SLC38A11: variants seen among roughly 807,000 people sequenced by gnomAD.
SLC38A11 encodes the protein putative sodium-coupled neutral amino acid transporter 11.
A neutral mutation model predicts 49.4 loss-of-function variants in SLC38A11; 51 were observed. That is an observed-to-expected ratio of 1.03 (90% CI 0.83 to 1.30). The LOEUF (loss-of-function observed/expected upper bound fraction) is 1.30. SLC38A11 is among the 50% of genes most tolerant of loss of function. The pLI, the probability that SLC38A11 is intolerant of heterozygous loss-of-function variation, is 0.00. For missense variants in SLC38A11, 574 were observed against 556.2 expected (o/e 1.03, Z -0.32); for synonymous variants, 203 against 192.9 (o/e 1.05, Z -0.43).
chr2:164,948,846 A>G (rs1170582438), intron 3 of SLC38A11, among the ~76,000 whole-genome samples: 1 of 150,692 alleles, frequency 6.6e-6, no homozygotes, highest in Non-Finnish European at 1.5e-5. Context: ...TGCATTTTGC[A>G]TTCCCACATT....
chr2:164,947,011 ATC>A (rs1688157175), intron 3 of SLC38A11, among the ~76,000 whole-genome samples: 1 of 149,790 alleles, frequency 6.7e-6, no homozygotes, highest in African/African-American at 2.5e-5. Flanking sequence ...CCTTTGTGAC[ATC>A]TCTTTCTTGT....
At chr2:164,948,561 C>A (rs1688296175) in intron 3 of SLC38A11, among the ~76,000 whole-genome samples, 1 of 152,136 alleles carries the variant, frequency 6.6e-6, no homozygotes, top group Non-Finnish European at 1.5e-5. Context: ...TAATTAAAAT[C>A]CCAACTCTAT....
chr2:164,937,295 A>C (rs925854815), intron 7 of SLC38A11, 55 bp downstream of exon 7: 10 of 1,140,748 alleles, frequency 8.8e-6, no homozygotes, highest in Non-Finnish European at 1.2e-5. Flanking sequence ...TGCCATCTAA[A>C]TATCTATGTG....
At chr2:164,911,615 T>C in intron 10 of SLC38A11, 21 bp downstream of exon 10, 1 of 1,315,762 alleles carries the variant, frequency 7.6e-7, no homozygotes, top group Non-Finnish European at 1.1e-6. Flanking sequence ...GGGTAAAGCG[T>C]TGGGAAGGAA....
chr2:164,923,822 T>A lies in SLC38A11; in HGVS notation c.618-7849A>T, dbSNP rs551053022. Among the ~76,000 whole-genome samples, 6 of 151,300 alleles carry A rather than the reference T, an allele frequency of 4.0e-5. No individual in the cohort carries two copies. The East Asian group carries it at 1.2e-3, about 29-fold the overall frequency. On this transcript the variant is annotated intron_variant, in intron 7 of 11. Transcript: ENST00000685975. The stretch of plus-strand genomic sequence containing the variant: ...GAAAAATAAAAAAAAAAAACAAATG[T>A]TAGTGGGGCTGTGGAGAAAAGGGAA...
In SLC38A11 at chr2:164,908,743, T is replaced by G. The variant is rs749260454; in HGVS notation, c.992A>C (p.Asn331Thr). Residue 331 changes from asparagine (N) to threonine (T), a missense_variant, in exon 11 of 12, where the codon AAT becomes ACT. Physicochemically the swap from Asn to Thr is moderately conservative, Grantham distance 65. Transcript: ENST00000685975. ...AACAATGTGGAAAACCGATGAAAGATTCCCACCAAAAAACACATTGGCAAT... is the reference window on the plus strand; with the variant it reads ...AACAATGTGGAAAACCGATGAAAGAGTCCCACCAAAAAACACATTGGCAAT... ...EVIANVFFGG[N>T]LSSVFHIVVT... 2.5e-6 allele frequency: 4 copies of G among 1,610,354 alleles called. No individual in the cohort carries two copies. In the African/African-American group the frequency reaches 5.4e-5, roughly 22 times the overall value.
intron 3 of SLC38A11, among the ~76,000 whole-genome samples, chr2:164,946,300 G>T (rs1057253461): frequency 6.6e-6 from 1 of 152,038 alleles, no homozygotes; most frequent in Non-Finnish European, 1.5e-5. Flanking sequence ...CGGCGCAGTG[G>T]CTCACGCTTG....
intron 7 of SLC38A11, among the ~76,000 whole-genome samples, chr2:164,926,951 A>G (rs1686646299): frequency 6.6e-6 from 1 of 151,790 alleles, no homozygotes; most frequent in South Asian, 2.1e-4. Context: ...AACATGGCAC[A>G]TGTATACATA....
At chr2:164,905,568 A>T (rs1684944261) in intron 11 of SLC38A11, among the ~76,000 whole-genome samples, 1 of 152,190 alleles carries the variant, frequency 6.6e-6, no homozygotes. Context: ...CCACACAAAA[A>T]GGAGTTGAGT....
chr2:164,934,869 A>G (rs1275027179), intron 7 of SLC38A11, among the ~76,000 whole-genome samples: 2 of 152,178 alleles, frequency 1.3e-5, no homozygotes, highest in East Asian at 3.8e-4. Flanking sequence ...TGAATACAGT[A>G]CCAACATAAC....
chr2:164,911,641 T>G lies in SLC38A11; in HGVS notation c.958A>C (p.Arg320=), dbSNP rs1312363947. Residue 320 remains arginine, a synonymous_variant, in exon 10 of 12, where the codon AGA becomes CGA. Transcript: ENST00000685975. ...LTYPMECFVT[R]EVIANVFFGG... ...TGGGAAGGAACCGCGCTTACCTCTCTTGTCACAAAGCATTCCATAGGGTAT... is the reference window on the plus strand; with the variant it reads ...TGGGAAGGAACCGCGCTTACCTCTCGTGTCACAAAGCATTCCATAGGGTAT... 1 of 1,575,808 alleles carries G rather than the reference T, an allele frequency of 6.3e-7. No individual in the cohort carries two copies. The highest frequency in any genetic ancestry group is 1.2e-5 in the South Asian group (1 of 86,090).
chr2:164,904,738 T>C (rs1559086459), intron 11 of SLC38A11, among the ~76,000 whole-genome samples: 1 of 152,196 alleles, frequency 6.6e-6, no homozygotes, highest in Non-Finnish European at 1.5e-5. Context: ...TGGTATGTTT[T>C]AACCCATTAT....
chr2:164,954,176 A>G (rs1296301906), intron 2 of SLC38A11, among the ~76,000 whole-genome samples: 1 of 152,218 alleles, frequency 6.6e-6, no homozygotes, highest in African/African-American at 2.4e-5. Flanking sequence ...TTAATTTTTC[A>G]TAAGATTGGT....
Position 164,955,239 on chromosome 2 carries a change from G to A in SLC38A11, c.9C>T (p.Tyr3=). The change falls in exon 1 of 12, where the codon TAC becomes TAT. Residue 3 remains tyrosine (Y), a synonymous_variant. Coordinates refer to ENST00000685975, the MANE Select transcript of SLC38A11 (RefSeq NM_001351537.2). MG[Y]QRQEPVIPPQ... ...GCGGGATGACAGGCTCCTGCCTCTG[G>A]TAGCCCATGGCTGAGCGGTGGTCCT... 6.4e-7 allele frequency: 1 copy of A among 1,550,562 alleles called. No individual in the cohort carries two copies. The highest frequency in any genetic ancestry group is 8.7e-7 in the Non-Finnish European group (1 of 1,146,982).
intron 3 of SLC38A11, among the ~76,000 whole-genome samples, chr2:164,948,905 T>TTTTC (rs1553504850): frequency 1.4e-5 from 2 of 147,864 alleles, no homozygotes; most frequent in South Asian, 2.2e-4. Flanking sequence ...TTTTTTTTTT[T>TTTTC]CATAAATACT....
chr2:164,907,270 C>CTTTTTTTTTTTTTT (rs60527900), intron 11 of SLC38A11, among the ~76,000 whole-genome samples: 4 of 97,916 alleles, frequency 4.1e-5, no homozygotes, highest in African/African-American at 7.7e-5. Flanking sequence ...CTTCTTTTCT[C>CTTTTTTTTTTTTTT]TTTTTTTTTT....
chr2:164,898,577 T>G lies in SLC38A11; in HGVS notation c.1249A>C (p.Ile417Leu). 6.2e-7 allele frequency: 1 copy of G among 1,613,616 alleles called. No homozygotes were observed. The highest frequency in any genetic ancestry group is 1.1e-5 in the South Asian group (1 of 91,078). Residue 417 changes from isoleucine to leucine, a missense_variant, in exon 12 of 12, where the codon ATT (isoleucine) becomes CTT (leucine). By Grantham distance (5) the Ile-to-Leu change is conservative. Coordinates refer to ENST00000685975, the MANE Select transcript of SLC38A11 (RefSeq NM_001351537.2). ...TGGGTGCAGTCTTGAGTATTTGTAA[T>G]AGCCATGACGAATCCAAAAACCATC... Reference protein sequence around the residue: ...VVMVFGFVMAITNTQDCTHGQ... With the variant: ...VVMVFGFVMALTNTQDCTHGQ...
chr2:164,926,270 A>T (rs917239379), intron 7 of SLC38A11, among the ~76,000 whole-genome samples: 1 of 152,182 alleles, frequency 6.6e-6, no homozygotes, highest in Non-Finnish European at 1.5e-5. Flanking sequence ...CAAGTTTCTC[A>T]CCACCACATG....
At position 164,898,305 on chromosome 2, in the gene SLC38A11, C is replaced by T. The variant is rs1202479576; in HGVS notation, c.*132G>A. 6.1e-6 allele frequency: 4 copies of T among 656,340 alleles called. No homozygotes were observed. The highest frequency in any genetic ancestry group is 7.7e-6 in the Non-Finnish European group (3 of 388,962). 40.7% of individuals were successfully genotyped at this position (656,340 alleles called of 1,614,324 possible). ...TCTTTTCTTTATCTTTTATATTGCA[C>T]TACTCATAAAAGCCAAGTCTTGATA... On this transcript the variant is annotated 3_prime_UTR_variant, in exon 12 of 12. Transcript: ENST00000685975.
Sources: gnomAD v4.1 joint callset for allele counts (sites outside exome capture counted in the v4.1 genomes callset) on GRCh38, gnomAD v4.1.1 for gene constraint, MANE v1.5 for transcripts, NCBI Gene and HGNC (gene_info 2026-07-23, HGNC 2026-07-21) for gene names.